Variants in RCN2 observed in about 807,000 individuals in gnomAD.
RCN2 encodes the protein reticulocalbin-2.
RCN2 carries 23 observed loss-of-function variants against 37.5 expected under a neutral mutation model. That is an observed-to-expected ratio of 0.61 (90% CI 0.44 to 0.87). The LOEUF is 0.87. RCN2 is among the 40% of genes least tolerant of loss of function. The pLI is 0.00. For missense variants in RCN2, 381 were observed against 390.4 expected (o/e 0.98, Z 0.20); for synonymous variants, 140 against 144.6 (o/e 0.97, Z 0.23).
intron 5 of RCN2, 52 bp downstream of exon 5, chr15:76,947,569 T>A (rs749952744): frequency 8.8e-7 from 1 of 1,137,166 alleles, no homozygotes; most frequent in South Asian, 1.3e-5. Flanking sequence ...AGAAAGACAT[T>A]GAAAGACAGC....
Position 76,934,769 on chromosome 15 carries a change from C to A in RCN2, c.251-757C>A, listed in dbSNP as rs538549867. ...ATGTCACCTTCATAAATAAAAAACA[C>A]TGTTTTTTCTCATACATACTAAAAT... On this transcript the variant is annotated intron_variant, in intron 2 of 6. Coordinates refer to ENST00000394885, the MANE Select transcript of RCN2 (RefSeq NM_002902.3). Among the ~76,000 whole-genome samples the A allele has an allele frequency of 7.2e-5, 11 of 152,202 alleles. No homozygotes were observed. In the South Asian group the frequency reaches 2.1e-3, roughly 29 times the overall value.
intron 3 of RCN2, chr15:76,941,696 C>A: frequency 7.0e-7 from 1 of 1,436,678 alleles, no homozygotes; most frequent in Non-Finnish European, 9.4e-7. Context: ...TTAATGTGAG[C>A]TATTCTTATT....
intron 4 of RCN2, among the ~76,000 whole-genome samples, chr15:76,944,416 T>G (rs2075288858): frequency 6.6e-6 from 1 of 152,168 alleles, no homozygotes; most frequent in South Asian, 2.1e-4. Context: ...AATGTATAAT[T>G]AGTTACTACT....
chr15:76,948,445 A>G lies in RCN2; in HGVS notation c.694A>G (p.Lys232Glu). ...NEDPEWILVE[K>E]DRFVNDYDKD... ...AGATCCAGAATGGATACTTGTTGAG[A>G]AAGACAGATTCGTGAATGATTATGA... The change falls in exon 6 of 7, where the codon AAA becomes GAA. Residue 232 changes from lysine (K) to glutamate (E), a missense_variant. Transcript: ENST00000394885. The G allele has an allele frequency of 6.2e-7, 1 of 1,608,784 alleles. No individual in the cohort carries two copies.
intron 2 of RCN2, among the ~76,000 whole-genome samples, chr15:76,934,319 T>C (rs561045832): frequency 6.6e-6 from 1 of 152,216 alleles, no homozygotes; most frequent in African/African-American, 2.4e-5. Flanking sequence ...AATTTTTGTA[T>C]TTTTAGTAGA....
chr15:76,943,519 C>T (rs74024642), intron 3 of RCN2: 9,177 of 350,220 alleles, frequency 0.026, 576 homozygotes, highest in African/African-American at 0.15. Flanking sequence ...AAGCAGTTTG[C>T]GCTGACACCA....
Position 76,952,841 on chromosome 15 carries a change from AC to A in RCN2, c.*3620del. 1 of 151,870 alleles carries A rather than the reference AC, an allele frequency of 6.6e-6. No individual in the cohort carries two copies. Among genetic ancestry groups the A allele is most frequent in the South Asian group, 2.1e-4 (1 of 4,806 alleles). 9.4% of individuals were successfully genotyped at this position (151,870 alleles called of 1,614,324 possible). ...ACCATGTTGGTCAAGCTGGTCTCGA[AC>A]TCCTGATCTCAGGTGATCCACCTGC... On this transcript the variant is annotated 3_prime_UTR_variant, in exon 7 of 7. Transcript: ENST00000394885.
chr15:76,937,470 G>A (rs1368276251), intron 3 of RCN2, among the ~76,000 whole-genome samples: 1 of 151,244 alleles, frequency 6.6e-6, no homozygotes, highest in South Asian at 2.1e-4. Flanking sequence ...AGGCTGAAGT[G>A]CAGTGGTATA....
At position 76,953,809 on chromosome 15, in the gene RCN2, G is replaced by T. The variant is rs1283706593; in HGVS notation, c.*4587G>T. On this transcript the variant is annotated 3_prime_UTR_variant, in exon 7 of 7. Transcript: ENST00000394885. ...TTTTTAGTAGAGACGGGGTTTCACCGTGTTAGCCAGGATGGTCTTGATCTG... is the reference window on the plus strand; with the variant it reads ...TTTTTAGTAGAGACGGGGTTTCACCTTGTTAGCCAGGATGGTCTTGATCTG... The T allele has an allele frequency of 6.8e-6, 1 of 147,388 alleles. No individual in the cohort carries two copies. Among genetic ancestry groups the T allele is most frequent in the Admixed American group, 6.7e-5 (1 of 14,860 alleles). 9.1% of individuals were successfully genotyped at this position (147,388 alleles called of 1,614,324 possible). A position where few individuals can be genotyped will look rare whatever the true frequency, so the allele number is the denominator to read the frequency against.
At chr15:76,934,861 A>G (rs1243629714) in intron 2 of RCN2, among the ~76,000 whole-genome samples, 1 of 152,182 alleles carries the variant, frequency 6.6e-6, no homozygotes, top group African/African-American at 2.4e-5. Flanking sequence ...TTTCTGCAAG[A>G]TTTTGGATAA....
In RCN2 at chr15:76,931,749, C is replaced by T. The variant is rs1427315827; in HGVS notation, c.-93C>T. 21 of 1,011,218 alleles carry T rather than the reference C, an allele frequency of 2.1e-5. No individual in the cohort carries two copies. The highest frequency in any genetic ancestry group is 2.5e-5 in the Non-Finnish European group (20 of 801,768). 62.6% of individuals were successfully genotyped at this position (1,011,218 alleles called of 1,614,324 possible). A position where few individuals can be genotyped will look rare whatever the true frequency, so the allele number is the denominator to read the frequency against. On this transcript the variant is annotated 5_prime_UTR_variant, in exon 1 of 7. Coordinates refer to ENST00000394885, the MANE Select transcript of RCN2 (RefSeq NM_002902.3). ...CCGCCCTCAACGTACGTCGCACCGC[C>T]TCTCTGTAGCCGCCCGCGGAGCATC... is the stretch of plus-strand genomic sequence containing the variant.
chr15:76,939,821 A>C (rs954489515), intron 3 of RCN2, among the ~76,000 whole-genome samples: 1 of 152,212 alleles, frequency 6.6e-6, no homozygotes, highest in African/African-American at 2.4e-5. Flanking sequence ...CTTAATTACT[A>C]TCCCATTAAA....
In RCN2 at chr15:76,954,359, A is replaced by G. The variant is rs964081898; in HGVS notation, c.*5137A>G. The G allele has an allele frequency of 6.6e-6, 1 of 152,076 alleles. No individual in the cohort carries two copies. Among genetic ancestry groups the G allele is most frequent in the Admixed American group, 6.6e-5 (1 of 15,260 alleles). The allele number at this position is 152,076 out of a possible 1,614,324, so 9.4% of individuals were successfully genotyped here. ...GTAAAAACTAATTTGCTTCATTGCA[A>G]CATTTGAGTTCTGTCGAATAAATAT... On this transcript the variant is annotated 3_prime_UTR_variant, in exon 7 of 7. Transcript: ENST00000394885.
intron 1 of RCN2, 35 bp downstream of exon 1, chr15:76,932,020 C>T: frequency 8.1e-7 from 1 of 1,239,710 alleles, no homozygotes; most frequent in Admixed American, 4.3e-5. Context: ...GAGGGCCGGG[C>T]CTCGCACCGC....
At chr15:76,932,010 G>T in intron 1 of RCN2, 25 bp downstream of exon 1, 1 of 1,251,004 alleles carries the variant, frequency 8.0e-7, no homozygotes, top group South Asian at 3.0e-5. Flanking sequence ...CCGGTGCTGG[G>T]AGGGCCGGGC....
rs1426731270 is a variant in RCN2, at chr15:76,953,586, TATATATA to T, written c.*4365_*4371del. On this transcript the variant is annotated 3_prime_UTR_variant, in exon 7 of 7. Transcript: ENST00000394885. ...ATATATATATATATATATATATATA[TATATATA>T]TTTTTTTTTTTTTTTTTTTTTTTTT... is the stretch of plus-strand genomic sequence containing the variant. 31 of 23,462 alleles carry T rather than the reference TATATATA, an allele frequency of 1.3e-3. 1 individual carries two copies. The highest frequency in any genetic ancestry group is 1.9e-3 in the Non-Finnish European group (22 of 11,332). 1.5% of individuals were successfully genotyped at this position (23,462 alleles called of 1,614,324 possible).
intron 3 of RCN2, among the ~76,000 whole-genome samples, chr15:76,940,063 T>G (rs1007108523): frequency 6.6e-6 from 1 of 152,208 alleles, no homozygotes; most frequent in African/African-American, 2.4e-5. Context: ...CCTAAAGGAA[T>G]AGATTGATCC....
chr15:76,948,259 T>C (rs1224249654), intron 5 of RCN2, 151 bp from the exon 6 acceptor site: 2 of 475,744 alleles, frequency 4.2e-6, no homozygotes, highest in Non-Finnish European at 7.2e-6. Context: ...TTTGTTCTTA[T>C]GTCAGGACTT....
chr15:76,948,296 G>T, intron 5 of RCN2, 114 bp from the exon 6 acceptor site: 1 of 629,690 alleles, frequency 1.6e-6, no homozygotes, highest in Non-Finnish European at 2.5e-6. Context: ...TGTTTTATTG[G>T]GCTTTCTTTA....
Sources: gnomAD v4.1 joint callset for allele counts (sites outside exome capture counted in the v4.1 genomes callset) on GRCh38, gnomAD v4.1.1 for gene constraint, MANE v1.5 for transcripts, NCBI Gene and HGNC (gene_info 2026-07-23, HGNC 2026-07-21) for gene names.